Variants in PCNX2 observed in about 807,000 individuals in gnomAD.
PCNX2 encodes the protein pecanex 2.
PCNX2 carries 168 observed loss-of-function variants against 223.8 expected under a neutral mutation model. That is an observed-to-expected ratio of 0.75 (90% CI 0.66 to 0.85). The LOEUF (loss-of-function observed/expected upper bound fraction) is 0.85, where lower values mean the gene tolerates loss of function less well. PCNX2 is among the 40% of genes least tolerant of loss of function. The pLI, the probability that PCNX2 is intolerant of heterozygous loss-of-function variation, is 0.00. For synonymous variants in PCNX2, 1,006 were observed against 1,052.6 expected (o/e 0.96, Z 0.86); for missense variants, 2,507 against 2,675.5 (o/e 0.94, Z 1.39).
Position 233,295,315 on chromosome 1 carries a change from T to G in PCNX2, c.153+11A>C. Reference sequence around the variant, plus strand: ...CCCACAGCTCCCCGGGACCGGACCCTCCCCACTCACCAGGTGCAGGGCCAG... The same window carrying G: ...CCCACAGCTCCCCGGGACCGGACCCGCCCCACTCACCAGGTGCAGGGCCAG... On this transcript the variant is annotated intron_variant, in intron 1 of 33. Transcript: ENST00000258229. This position sits in a 1 kb window ranked among gnomAD's most constrained non-coding sequence, Gnocchi z 4.1. 1 of 1,573,958 alleles carries G rather than the reference T, an allele frequency of 6.4e-7. No individual in the cohort carries two copies.
chr1:233,029,838 C>T (rs990961178), intron 25 of PCNX2, among the ~76,000 whole-genome samples: 2 of 152,012 alleles, frequency 1.3e-5, no homozygotes, highest in Admixed American at 6.5e-5. Flanking sequence ...GGTAAGATGA[C>T]GATTACAAAT....
chr1:233,289,310 C>T, intron 1 of PCNX2: 1 of 1,002,384 alleles, frequency 1.0e-6, no homozygotes, highest in Non-Finnish European at 1.6e-6. Flanking sequence ...CCTTGGCTGC[C>T]ATAATATTCA....
intron 24 of PCNX2, among the ~76,000 whole-genome samples, chr1:233,055,221 C>T (rs1359929808): frequency 1.4e-4 from 22 of 152,094 alleles, no homozygotes; most frequent in Admixed American, 1.4e-3. Context: ...GTGGCTGTAC[C>T]CTATTTGCAT....
chr1:233,079,241 G>A lies in PCNX2; in HGVS notation c.4076+10820C>T, dbSNP rs997987320. Reference sequence around the variant, plus strand: ...CGCCATCACTCTCTAAAACTAAAAGGTGGCCGGGTGTGGTGGCTTACACCT... The same window carrying A: ...CGCCATCACTCTCTAAAACTAAAAGATGGCCGGGTGTGGTGGCTTACACCT... On this transcript the variant is annotated intron_variant, in intron 23 of 33. Transcript: ENST00000258229. Among the ~76,000 whole-genome samples, 5 of 152,190 alleles carry A rather than the reference G, an allele frequency of 3.3e-5. No individual in the cohort carries two copies. In the South Asian group the frequency reaches 1.0e-3, roughly 32 times the overall value.
At chr1:233,267,940 C>G (rs1660430680) in intron 1 of PCNX2, among the ~76,000 whole-genome samples, 1 of 152,010 alleles carries the variant, frequency 6.6e-6, no homozygotes, top group Non-Finnish European at 1.5e-5. Context: ...TTAAGACAGT[C>G]TTGCTCTGTT....
At chr1:233,241,203 A>G in intron 8 of PCNX2, 1 of 985,444 alleles carries the variant, frequency 1.0e-6, no homozygotes, top group Non-Finnish European at 1.2e-6. Flanking sequence ...TTGTGTGAGT[A>G]TCGGAGAAAA....
At chr1:233,011,125 C>G (rs1670453812) in intron 28 of PCNX2, among the ~76,000 whole-genome samples, 1 of 152,180 alleles carries the variant, frequency 6.6e-6, no homozygotes, top group Non-Finnish European at 1.5e-5. Flanking sequence ...ATGAGCCATT[C>G]TTACTTTGCA....
chr1:233,283,218 T>C (rs573901511), intron 1 of PCNX2, among the ~76,000 whole-genome samples: 117 of 152,236 alleles, frequency 7.7e-4, no homozygotes, highest in African/African-American at 2.7e-3. Flanking sequence ...AAAGAGTCCT[T>C]TGATATGGAT....
At chr1:233,195,323 A>G (rs1680665353) in intron 15 of PCNX2, among the ~76,000 whole-genome samples, 1 of 152,196 alleles carries the variant, frequency 6.6e-6, no homozygotes, top group African/African-American at 2.4e-5. Context: ...ACTCAGCCCA[A>G]TAAAGGGCAT....
intron 25 of PCNX2, among the ~76,000 whole-genome samples, chr1:233,041,708 C>T (rs1671651497): frequency 6.6e-6 from 1 of 152,232 alleles, no homozygotes; most frequent in Non-Finnish European, 1.5e-5. Flanking sequence ...GGTGATGACA[C>T]TGAATGGCAC....
intron 9 of PCNX2, chr1:233,232,916 A>C: frequency 2.0e-6 from 2 of 984,754 alleles, no homozygotes; most frequent in Non-Finnish European, 2.4e-6. Flanking sequence ...ATAGAGCTTT[A>C]GAGTTTACAA....
chr1:233,054,962 G>A (rs1204679520), intron 24 of PCNX2, among the ~76,000 whole-genome samples: 5 of 152,030 alleles, frequency 3.3e-5, no homozygotes. Context: ...TATAACCAGC[G>A]CTTAGAATAA....
At chr1:233,038,868 A>T (rs777943203) in intron 25 of PCNX2, among the ~76,000 whole-genome samples, 1 of 152,254 alleles carries the variant, frequency 6.6e-6, no homozygotes, top group Non-Finnish European at 1.5e-5. Flanking sequence ...TAGCCAAACT[A>T]TGAGATGGCT....
chr1:233,047,007 G>A (rs867321004), intron 25 of PCNX2, among the ~76,000 whole-genome samples: 49 of 152,114 alleles, frequency 3.2e-4, no homozygotes, highest in Middle Eastern at 3.2e-3. Context: ...TTTCAAACCC[G>A]AACACCACCT....
At chr1:233,130,310 C>A (rs1676397748) in intron 21 of PCNX2, among the ~76,000 whole-genome samples, 1 of 151,966 alleles carries the variant, frequency 6.6e-6, no homozygotes, top group Admixed American at 6.6e-5. Flanking sequence ...CCCCCTCAAC[C>A]CCCCCACCCA....
chr1:233,161,429 T>C (rs1678474233), intron 17 of PCNX2, 66 bp from the exon 18 acceptor site: 1 of 1,373,050 alleles, frequency 7.3e-7, no homozygotes, highest in Admixed American at 1.8e-5. Context: ...TGTAACCAGG[T>C]AAATCAAGCA....
intron 21 of PCNX2, among the ~76,000 whole-genome samples, chr1:233,113,187 G>A (rs1450680561): frequency 6.6e-6 from 1 of 152,180 alleles, no homozygotes; most frequent in African/African-American, 2.4e-5. Context: ...ATTCTTCCTG[G>A]TTTTGCAAGA....
chr1:233,197,619 G>A (rs956854693), intron 15 of PCNX2, among the ~76,000 whole-genome samples: 1 of 151,976 alleles, frequency 6.6e-6, no homozygotes, highest in Non-Finnish European at 1.5e-5. Context: ...TTCCTCCCAG[G>A]CCCCTCCCCT....
At chr1:233,213,840 TTTTTTG>T (rs1681965899) in intron 12 of PCNX2, among the ~76,000 whole-genome samples, 1 of 142,920 alleles carries the variant, frequency 7.0e-6, no homozygotes, top group African/African-American at 2.6e-5. Flanking sequence ...TTTTTTTTTT[TTTTTTG>T]AGACAGAGTC....
Sources: gnomAD v4.1 joint callset for allele counts (sites outside exome capture counted in the v4.1 genomes callset) on GRCh38, gnomAD v4.1.1 for gene constraint, Gnocchi (gnomAD v3.1) non-coding constraint, MANE v1.5 for transcripts, NCBI Gene and HGNC (gene_info 2026-07-23, HGNC 2026-07-21) for gene names.